LSM12: variants seen among roughly 807,000 people sequenced by gnomAD.
LSM12 encodes protein LSM12.
For missense variants in LSM12, 108 were observed against 238.9 expected, an observed-to-expected ratio of 0.45 and a Z score of 3.61; for synonymous variants, 74 against 87.3, an observed-to-expected ratio of 0.85 and a Z score of 0.85.
At chr17:44,064,953 G>GGCA (rs1483696723) in intron 1 of LSM12, among the ~76,000 whole-genome samples, 8 of 151,462 alleles carry the variant, frequency 5.3e-5, no homozygotes, top group African/African-American at 1.7e-4. Context: ...CTAACACGGT[G>GGCA]AAACCCCGTC....
intron 2 of LSM12, among the ~76,000 whole-genome samples, chr17:44,042,811 C>A (rs555421317): frequency 5.9e-5 from 9 of 152,256 alleles, no homozygotes; most frequent in African/African-American, 2.2e-4. Flanking sequence ...TCGTGATCCA[C>A]CCACCTGGGC....
intron 2 of LSM12, among the ~76,000 whole-genome samples, chr17:44,056,295 CAA>C (rs76757105): frequency 1.5e-4 from 13 of 89,516 alleles, no homozygotes; most frequent in African/African-American, 8.3e-5. Flanking sequence ...AACTCTGTCT[CAA>C]AAAAAAAAAA....
chr17:44,053,995 G>C (rs2049678854), intron 2 of LSM12, among the ~76,000 whole-genome samples: 1 of 152,120 alleles, frequency 6.6e-6, no homozygotes, highest in Non-Finnish European at 1.5e-5. Context: ...CCACGTCAAG[G>C]GTAGGGTGCA....
chr17:44,038,177 C>T (rs1016183804), intron 3 of LSM12, among the ~76,000 whole-genome samples: 6 of 151,866 alleles, frequency 4.0e-5, no homozygotes, highest in Non-Finnish European at 5.9e-5. Flanking sequence ...GGCAAAAACT[C>T]GTCTCTACTA....
At chr17:44,049,722 C>G (rs1019356521) in intron 2 of LSM12, among the ~76,000 whole-genome samples, 5 of 152,192 alleles carry the variant, frequency 3.3e-5, no homozygotes, top group Admixed American at 6.5e-5. Flanking sequence ...ATCTTATTTC[C>G]ACATGCCCAG....
intron 2 of LSM12, among the ~76,000 whole-genome samples, chr17:44,054,826 G>GTTTTCT (rs773953362): frequency 6.6e-6 from 1 of 150,906 alleles, no homozygotes; most frequent in Non-Finnish European, 1.5e-5. Context: ...CCTTGGCGAC[G>GTTTTCT]TTTTCTTTTT....
chr17:44,037,700 T>C (rs951424860), intron 3 of LSM12, among the ~76,000 whole-genome samples, 162 bp from the exon 4 acceptor site: 2 of 152,148 alleles, frequency 1.3e-5, no homozygotes, highest in Non-Finnish European at 2.9e-5. Context: ...GAAACATTCC[T>C]TGGGTGCCAC....
intron 2 of LSM12, among the ~76,000 whole-genome samples, chr17:44,041,280 A>AC (rs1490397016): frequency 5.1e-5 from 6 of 118,268 alleles, no homozygotes; most frequent in Admixed American, 9.6e-5. Flanking sequence ...CTTTAAAAAA[A>AC]AAAAAAACAA....
chr17:44,060,005 A>G (rs2049774894), intron 2 of LSM12, among the ~76,000 whole-genome samples: 1 of 152,056 alleles, frequency 6.6e-6, no homozygotes, highest in African/African-American at 2.4e-5. Context: ...TCTACTAAAA[A>G]TACAAAAAAA....
At chr17:44,067,503 G>A (rs1430608134), upstream of LSM12, 1 of 152,150 alleles carries the variant, frequency 6.6e-6, no homozygotes, top group Non-Finnish European at 1.5e-5. Context: ...ACAGCCCTTT[G>A]AGGTAGGAAT....
intron 3 of LSM12, among the ~76,000 whole-genome samples, chr17:44,039,365 C>CTTTTTTT (rs35411238): frequency 5.9e-5 from 3 of 51,054 alleles, no homozygotes; most frequent in African/African-American, 8.3e-5. Flanking sequence ...AACAAAATGT[C>CTTTTTTT]TTTTTTTTTT....
intron 2 of LSM12, among the ~76,000 whole-genome samples, chr17:44,054,950 T>C (rs764131189): frequency 2.6e-5 from 4 of 151,986 alleles, no homozygotes; most frequent in Non-Finnish European, 5.9e-5. Flanking sequence ...GTGATTCTCC[T>C]GTCTCAGCCT....
chr17:44,038,954 G>A (rs1364491640), intron 3 of LSM12, among the ~76,000 whole-genome samples: 3 of 152,198 alleles, frequency 2.0e-5, no homozygotes, highest in African/African-American at 4.8e-5. Context: ...AGTAACAGAT[G>A]GCAGTGTGGG....
At chr17:44,059,071 C>T (rs549569854) in intron 2 of LSM12, among the ~76,000 whole-genome samples, 15 of 152,112 alleles carry the variant, frequency 9.9e-5, no homozygotes, top group Admixed American at 3.3e-4. Flanking sequence ...GAAGCTTGGG[C>T]GGATCACTTG....
chr17:44,055,507 CAAAAAAA>C lies in LSM12; in HGVS notation c.258+8287_258+8293del, dbSNP rs893366294. ...TGAAGCCCCGTCTCTACCAAAAATACAAAAAAAAAAAAAAAAAAAATTAGCCGGGCAT... is the reference window on the plus strand; with the variant it reads ...TGAAGCCCCGTCTCTACCAAAAATACAAAAAAAAAAAAATTAGCCGGGCAT... On this transcript the variant is annotated intron_variant, in intron 2 of 4. Coordinates refer to ENST00000293406, the MANE Select transcript of LSM12 (RefSeq NM_001371445.1). Among the ~76,000 whole-genome samples, 28 of 65,000 alleles carry C rather than the reference CAAAAAAA, an allele frequency of 4.3e-4. 1 individual carries two copies. Among genetic ancestry groups the C allele is most frequent in the South Asian group, 1.2e-3 (3 of 2,452 alleles). The allele number at this position is 65,000 out of a possible 152,430, so 42.6% of individuals were successfully genotyped here.
In LSM12 at chr17:44,055,704, AATATATAAAAT is replaced by A. The variant is rs1019797113; in HGVS notation, c.258+8086_258+8096del. On this transcript the variant is annotated intron_variant, in intron 2 of 4. Transcript: ENST00000293406. ...ATATATATATAAAATATATATATAT[AATATATAAAAT>A]ATATATAAAATATATTATATATATA... is the stretch of plus-strand genomic sequence containing the variant. Among the ~76,000 whole-genome samples the A allele has an allele frequency of 4.8e-5, 7 of 144,648 alleles. No homozygotes were observed. In the East Asian group the frequency reaches 6.0e-4, roughly 12 times the overall value. 94.9% of individuals were successfully genotyped at this position (144,648 alleles called of 152,430 possible).
At chr17:44,057,189 T>G (rs1190318015) in intron 2 of LSM12, among the ~76,000 whole-genome samples, 4 of 142,916 alleles carry the variant, frequency 2.8e-5, no homozygotes, top group African/African-American at 5.1e-5. Context: ...TCGCTCTGTC[T>G]CCCAGGCTGG....
intron 2 of LSM12, among the ~76,000 whole-genome samples, chr17:44,045,116 C>T (rs1804899951): frequency 6.6e-6 from 1 of 152,180 alleles, no homozygotes; most frequent in Admixed American, 6.5e-5. Context: ...CAACCTCCGC[C>T]TCCCAGGTTC....
At chr17:44,045,153 A>C (rs965967074) in intron 2 of LSM12, among the ~76,000 whole-genome samples, 3 of 151,848 alleles carry the variant, frequency 2.0e-5, no homozygotes, top group Non-Finnish European at 4.4e-5. Flanking sequence ...TCAGCCTCCC[A>C]AGTAGCTGGG....
Sources: allele counts gnomAD v4.1 joint callset (sites outside exome capture counted in the v4.1 genomes callset), GRCh38; gene constraint gnomAD v4.1.1; transcripts MANE v1.5; gene names NCBI Gene and HGNC (gene_info 2026-07-23, HGNC 2026-07-21).